The following CHODL variants were observed in gnomAD, a reference collection of about 807,000 sequenced individuals.
CHODL encodes chondrolectin.
In CHODL, 29 loss-of-function variants were observed where a neutral mutation model predicts 34.5. That is an observed-to-expected ratio of 0.84 (90% CI 0.63 to 1.15). The LOEUF is 1.15. CHODL is among the 50% of genes most tolerant of loss of function. The pLI, the probability that CHODL is intolerant of heterozygous loss-of-function variation, is 0.00. For missense variants in CHODL, 332 were observed against 332.5 expected, an observed-to-expected ratio of 1.00 and a Z score of 0.01; for synonymous variants, 125 against 116.1, an observed-to-expected ratio of 1.08 and a Z score of -0.49.
intron 1 of CHODL, among the ~76,000 whole-genome samples, chr21:17,993,462 A>G (rs1349424549): frequency 1.3e-5 from 2 of 152,160 alleles, no homozygotes; most frequent in Admixed American, 6.5e-5. Flanking sequence ...AAGTGAGGAC[A>G]TGTAATATTT....
chr21:17,932,643 T>A (rs2063283735), intron 1 of CHODL, among the ~76,000 whole-genome samples: 3 of 152,144 alleles, frequency 2.0e-5, no homozygotes, highest in Non-Finnish European at 2.9e-5. Context: ...AAGAATAAAA[T>A]CATGTCTTTG....
At chr21:17,945,788 C>G (rs1284733323) in intron 1 of CHODL, among the ~76,000 whole-genome samples, 1 of 152,024 alleles carries the variant, frequency 6.6e-6, no homozygotes, top group Non-Finnish European at 1.5e-5. Context: ...GAGGAGTATA[C>G]TAAGACATCT....
chr21:18,237,664 G>A (rs1383395188), intron 2 of CHODL, among the ~76,000 whole-genome samples: 1 of 152,086 alleles, frequency 6.6e-6, no homozygotes, highest in Non-Finnish European at 1.5e-5. Flanking sequence ...GGATGCAGGT[G>A]AAGATTAAAA....
intron 2 of CHODL, among the ~76,000 whole-genome samples, chr21:18,129,412 A>C (rs917881677): frequency 2.0e-5 from 3 of 152,196 alleles, no homozygotes; most frequent in Admixed American, 2.0e-4. Context: ...TCTATTCAGA[A>C]TGCATTGTAG....
intron 1 of CHODL, among the ~76,000 whole-genome samples, chr21:18,015,144 A>G (rs1465508748): frequency 1.3e-5 from 2 of 152,182 alleles, no homozygotes; most frequent in African/African-American, 2.4e-5. Flanking sequence ...CTGTGTCCCC[A>G]CCCAAATCTC....
At position 18,245,038 on chromosome 21, in the gene CHODL, C is replaced by A; in HGVS notation, c.-186C>A. 1 of 496,328 alleles carries A rather than the reference C, an allele frequency of 2.0e-6. No homozygotes were observed. The highest frequency in any genetic ancestry group is 3.5e-6 in the Non-Finnish European group (1 of 289,814). 30.7% of individuals were successfully genotyped at this position (496,328 alleles called of 1,614,324 possible). A position where few individuals can be genotyped will look rare whatever the true frequency, so the allele number is the denominator to read the frequency against. On this transcript the variant is annotated 5_prime_UTR_variant, in exon 1 of 6. Transcript: ENST00000299295. The stretch of plus-strand genomic sequence containing the variant: ...CAGCCCCGCACATCCACGCGCGGCA[C>A]AGGCGCGGCAGGCGGCAGGTCCCGG...
At chr21:17,984,131 C>T (rs1243275972) in intron 1 of CHODL, among the ~76,000 whole-genome samples, 4 of 152,076 alleles carry the variant, frequency 2.6e-5, no homozygotes, top group South Asian at 2.1e-4. Flanking sequence ...TTTAGATACC[C>T]GATGTAAGTG....
intron 1 of CHODL, among the ~76,000 whole-genome samples, chr21:17,984,939 T>G (rs188892803): frequency 7.2e-5 from 11 of 152,306 alleles, no homozygotes; most frequent in African/African-American, 9.6e-5. Context: ...ATTGATAAAT[T>G]GTGTAGTTTT....
Position 18,086,041 on chromosome 21 carries a change from C to CTTTTTTTT in CHODL, c.-45+58089_-45+58096dup, listed in dbSNP as rs3984977. Among the ~76,000 whole-genome samples the CTTTTTTTT allele has an allele frequency of 5.9e-3, 229 of 38,744 alleles. 1 individual carries two copies. Among genetic ancestry groups the CTTTTTTTT allele is most frequent in the Non-Finnish European group, 7.5e-3 (152 of 20,218 alleles). The allele number at this position is 38,744 out of a possible 152,430, so 25.4% of individuals were successfully genotyped here. On this transcript the variant is annotated intron_variant, in intron 2 of 6. Coordinates refer to the CHODL transcript ENST00000400127. ...TTCCAGATGTCTTGAAGACTTTGTTCTTTTTTTTTTTTTTTTTTTTTTTTT... is the reference window on the plus strand; with the variant it reads ...TTCCAGATGTCTTGAAGACTTTGTTCTTTTTTTTTTTTTTTTTTTTTTTTTTTTTTTTT...
At chr21:17,941,307 TTTC>T (rs1240568173) in intron 1 of CHODL, among the ~76,000 whole-genome samples, 2 of 149,748 alleles carry the variant, frequency 1.3e-5, no homozygotes, top group Non-Finnish European at 3.0e-5. Flanking sequence ...TTTTTTTTTT[TTTC>T]ATCCCTGGGC....
chr21:18,032,406 A>G (rs913793603), intron 2 of CHODL, among the ~76,000 whole-genome samples: 58 of 152,084 alleles, frequency 3.8e-4, no homozygotes, highest in Admixed American at 3.4e-3. Context: ...CATACAATAA[A>G]GTTCTGAAGG....
At chr21:18,221,135 A>G (rs1052615320) in intron 2 of CHODL, among the ~76,000 whole-genome samples, 1 of 152,030 alleles carries the variant, frequency 6.6e-6, no homozygotes, top group Non-Finnish European at 1.5e-5. Flanking sequence ...CTTGTCTTCA[A>G]GTTTAGAAAT....
At chr21:18,197,958 T>G (rs1439307872) in intron 2 of CHODL, among the ~76,000 whole-genome samples, 7 of 151,970 alleles carry the variant, frequency 4.6e-5, no homozygotes, top group African/African-American at 1.7e-4. Flanking sequence ...CCTAAGCATT[T>G]CAAGTCATCA....
intron 2 of CHODL, among the ~76,000 whole-genome samples, chr21:18,125,143 T>A (rs1284896204): frequency 1.3e-5 from 2 of 152,226 alleles, no homozygotes; most frequent in Non-Finnish European, 2.9e-5. Flanking sequence ...AAAATTGTTT[T>A]CTCTTTTATG....
At chr21:17,920,897 A>G (rs902067575) in intron 1 of CHODL, among the ~76,000 whole-genome samples, 3 of 152,190 alleles carry the variant, frequency 2.0e-5, no homozygotes, top group Non-Finnish European at 4.4e-5. Context: ...AATACAGGGA[A>G]GTTATATGAT....
intron 2 of CHODL, among the ~76,000 whole-genome samples, chr21:18,231,615 G>A (rs1413002185): frequency 6.6e-6 from 1 of 152,054 alleles, no homozygotes; most frequent in Non-Finnish European, 1.5e-5. Context: ...ACCTTTTCAA[G>A]GTTCTTGCAC....
chr21:18,153,497 C>T (rs1045806541), intron 2 of CHODL, among the ~76,000 whole-genome samples: 1 of 152,146 alleles, frequency 6.6e-6, no homozygotes, highest in African/African-American at 2.4e-5. Context: ...TTCTCTGTCT[C>T]CCTCTCCTGC....
chr21:17,958,740 A>T (rs139098843), intron 1 of CHODL, among the ~76,000 whole-genome samples: 1 of 152,330 alleles, frequency 6.6e-6, no homozygotes, highest in African/African-American at 2.4e-5. Flanking sequence ...AGGAGAGAGC[A>T]GTACAACAAA....
chr21:18,260,847 C>CAAA (rs796997087), intron 4 of CHODL, among the ~76,000 whole-genome samples: 6 of 109,498 alleles, frequency 5.5e-5, no homozygotes, highest in Non-Finnish European at 1.1e-4. Flanking sequence ...ACAACAACAA[C>CAAA]AAAAAAACAC....
Sources: allele counts gnomAD v4.1 joint callset (sites outside exome capture counted in the v4.1 genomes callset), GRCh38; gene constraint gnomAD v4.1.1; transcripts MANE v1.5; gene names NCBI Gene and HGNC (gene_info 2026-07-23, HGNC 2026-07-21).